Variants in TRAPPC10 observed in about 807,000 individuals in gnomAD.
The protein encoded by TRAPPC10 is TRAPP 130 kDa subunit.
A neutral mutation model predicts 125.5 loss-of-function variants in TRAPPC10; 23 were observed. That is an observed-to-expected ratio of 0.18 (90% CI 0.13 to 0.26). TRAPPC10 has a LOEUF of 0.26. Ranked by LOEUF, TRAPPC10 falls within the 10% of genes least tolerant of loss-of-function variation. TRAPPC10 has a pLI of 1.00. For missense variants in TRAPPC10, 1,123 were observed against 1,308.4 expected (o/e 0.86, Z 2.19); for synonymous variants, 509 against 518.0 (o/e 0.98, Z 0.24).
intron 1 of TRAPPC10, among the ~76,000 whole-genome samples, chr21:44,023,807 C>G (rs569319969): frequency 6.6e-6 from 1 of 152,320 alleles, no homozygotes; most frequent in South Asian, 2.1e-4. Context: ...GAGACAGGCT[C>G]TTACTCTGTT....
Position 44,063,188 on chromosome 21 carries a change from G to T in TRAPPC10, c.791-350G>T, listed in dbSNP as rs2036183053. ...CCACAGGTAAAGATAAGGAAGCCCAGCCCCGCTGCAGCCTAAGACTAGAGC... is the reference window on the plus strand; with the variant it reads ...CCACAGGTAAAGATAAGGAAGCCCATCCCCGCTGCAGCCTAAGACTAGAGC... On this transcript the variant is annotated intron_variant, in intron 6 of 22. Coordinates refer to ENST00000291574, the MANE Select transcript of TRAPPC10 (RefSeq NM_003274.5). The surrounding 1 kb of genome is among the most constrained non-coding windows in gnomAD (Gnocchi z 4.4). The T allele has an allele frequency of 1.6e-6, 2 of 1,287,208 alleles. No homozygotes were observed. The highest frequency in any genetic ancestry group is 2.0e-6 in the Non-Finnish European group (2 of 989,150). 79.7% of individuals were successfully genotyped at this position (1,287,208 alleles called of 1,614,324 possible).
intron 3 of TRAPPC10, among the ~76,000 whole-genome samples, chr21:44,048,030 C>G (rs1220430540): frequency 3.3e-5 from 5 of 152,202 alleles, no homozygotes; most frequent in Non-Finnish European, 5.9e-5. Context: ...TCTTGAGTTC[C>G]TCTGGTTTTC....
At position 44,065,969 on chromosome 21, in the gene TRAPPC10, G is replaced by C. The variant is rs1330797858; in HGVS notation, c.1038+2184G>C. The stretch of plus-strand genomic sequence containing the variant: ...TCCCTGCTCCCCTCCCAAAGTGCTG[G>C]GATTACAGGTCTGAGCTGCCCGTGG... On this transcript the variant is annotated intron_variant, in intron 7 of 22. Coordinates refer to ENST00000291574, the MANE Select transcript of TRAPPC10 (RefSeq NM_003274.5). Among the ~76,000 whole-genome samples, 8 of 152,268 alleles carry C rather than the reference G, an allele frequency of 5.3e-5. No individual in the cohort carries two copies. The East Asian group carries it at 1.4e-3, about 26-fold the overall frequency.
In TRAPPC10 at chr21:44,037,888, C is replaced by G. The variant is rs1569155673; in HGVS notation, c.246C>G (p.Leu82=). 1 of 1,613,972 alleles carries G rather than the reference C, an allele frequency of 6.2e-7. No homozygotes were observed. The change falls in exon 3 of 23, where the codon CTC becomes CTG. Residue 82 remains leucine (L), a synonymous_variant. Transcript: ENST00000291574. ...CCAAAGAAGGAAACAAAGCTCTGCTCACGTTTCCCTTCCTCCATATTTACT... is the reference window on the plus strand; with the variant it reads ...CCAAAGAAGGAAACAAAGCTCTGCTGACGTTTCCCTTCCTCCATATTTACT... ...LLPKEGNKAL[L]TFPFLHIYWT...
intron 17 of TRAPPC10, chr21:44,089,627 CTCTTG>C: frequency 1.7e-6 from 1 of 596,682 alleles, no homozygotes. Context: ...GCGTTCGTTT[CTCTTG>C]TCTGTATGCA....
At chr21:44,026,557 G>A (rs1360006013) in intron 1 of TRAPPC10, among the ~76,000 whole-genome samples, 1 of 152,116 alleles carries the variant, frequency 6.6e-6, no homozygotes, top group Non-Finnish European at 1.5e-5. Flanking sequence ...CTCTAATCCC[G>A]TGTTTTCAAA....
intron 7 of TRAPPC10, among the ~76,000 whole-genome samples, chr21:44,071,669 A>G (rs936592079): frequency 1.3e-5 from 2 of 152,212 alleles, no homozygotes; most frequent in Non-Finnish European, 2.9e-5. Context: ...TCATATGCCA[A>G]ATTCACATGC....
intron 15 of TRAPPC10, among the ~76,000 whole-genome samples, chr21:44,086,532 C>T (rs1008328471): frequency 6.6e-6 from 1 of 152,174 alleles, no homozygotes; most frequent in Non-Finnish European, 1.5e-5. Flanking sequence ...TGATCATAAT[C>T]CCTGACTTGC....
chr21:44,031,230 G>T (rs990283448), intron 1 of TRAPPC10, among the ~76,000 whole-genome samples: 24 of 152,256 alleles, frequency 1.6e-4, no homozygotes, highest in African/African-American at 5.8e-4. Context: ...AATTCCCAAT[G>T]ATTTCTTAAA....
chr21:44,057,320 A>G (rs1302520457), intron 5 of TRAPPC10, among the ~76,000 whole-genome samples: 1 of 149,842 alleles, frequency 6.7e-6, no homozygotes, highest in South Asian at 2.1e-4. Context: ...TTTTTTTATG[A>G]TGGAGTCTTG....
chr21:44,096,103 C>T (rs1016550574), intron 20 of TRAPPC10, among the ~76,000 whole-genome samples: 1 of 49,310 alleles, frequency 2.0e-5, no homozygotes, highest in African/African-American at 8.6e-5. Context: ...TGTGGCTGTC[C>T]CAATTGGCAG....
At chr21:44,050,114 C>A (rs908294573) in intron 3 of TRAPPC10, among the ~76,000 whole-genome samples, 16 of 152,018 alleles carry the variant, frequency 1.1e-4, no homozygotes, top group African/African-American at 3.9e-4. Flanking sequence ...TCTTTAGAGA[C>A]CCTTAGCTTC....
Position 44,087,074 on chromosome 21 carries a change from C to T in TRAPPC10, c.2539+114C>T. On this transcript the variant is annotated intron_variant, in intron 16 of 22. Transcript: ENST00000291574. The surrounding 1 kb of genome is among the most constrained non-coding windows in gnomAD (Gnocchi z 4.6). ...CCTGCTGAGCGCCCCTCAACAGTGT[C>T]TGGAGTCCGTGTTCCATAGGAGCCC... 1 of 1,238,560 alleles carries T rather than the reference C, an allele frequency of 8.1e-7. No homozygotes were observed. Among genetic ancestry groups the T allele is most frequent in the Non-Finnish European group, 1.1e-6 (1 of 892,078 alleles). The allele number at this position is 1,238,560 out of a possible 1,614,324, so 76.7% of individuals were successfully genotyped here. A position where few individuals can be genotyped will look rare whatever the true frequency, so the allele number is the denominator to read the frequency against.
At chr21:44,018,341 G>A (rs1213797294) in intron 1 of TRAPPC10, among the ~76,000 whole-genome samples, 1 of 151,940 alleles carries the variant, frequency 6.6e-6, no homozygotes, top group African/African-American at 2.4e-5. Context: ...GGACGTCAAG[G>A]CTGCAGTGAT....
chr21:44,049,822 T>G (rs932942702), intron 3 of TRAPPC10, among the ~76,000 whole-genome samples: 3 of 152,196 alleles, frequency 2.0e-5, no homozygotes, highest in African/African-American at 7.2e-5. Flanking sequence ...GGGTCCTGCA[T>G]GTATTCCTGC....
At chr21:44,039,313 C>A (rs999353665) in intron 3 of TRAPPC10, among the ~76,000 whole-genome samples, 1 of 152,226 alleles carries the variant, frequency 6.6e-6, no homozygotes, top group African/African-American at 2.4e-5. Context: ...AGTCAGTCAC[C>A]TTTACTGATG....
At chr21:44,090,201 C>T (rs1163564406) in intron 18 of TRAPPC10, among the ~76,000 whole-genome samples, 1 of 152,078 alleles carries the variant, frequency 6.6e-6, no homozygotes, top group Non-Finnish European at 1.5e-5. Context: ...CACTAGATCT[C>T]TGTTCATCCT....
At chr21:44,089,350 C>A in intron 17 of TRAPPC10, 1 of 359,562 alleles carries the variant, frequency 2.8e-6, no homozygotes, top group Non-Finnish European at 5.6e-6. Context: ...TGCCCCTAAA[C>A]TGATTTGGTT....
At chr21:44,075,812 G>A (rs970820380) in intron 9 of TRAPPC10, among the ~76,000 whole-genome samples, 2 of 152,202 alleles carry the variant, frequency 1.3e-5, no homozygotes, top group African/African-American at 4.8e-5. Flanking sequence ...CACTTTGGGA[G>A]GCCGAGGTGG....
Sources: gnomAD v4.1 joint callset for allele counts (sites outside exome capture counted in the v4.1 genomes callset) on GRCh38, gnomAD v4.1.1 for gene constraint, Gnocchi (gnomAD v3.1) non-coding constraint, MANE v1.5 for transcripts, NCBI Gene and HGNC (gene_info 2026-07-23, HGNC 2026-07-21) for gene names.